Variants in COLGALT2 observed in about 807,000 individuals in gnomAD.
COLGALT2 encodes collagen beta(1-O)galactosyltransferase 2.
In COLGALT2, 49 loss-of-function variants were observed where a neutral mutation model predicts 73.4. The observed-to-expected ratio is 0.67, with a 90% CI of 0.53 to 0.85. The LOEUF (loss-of-function observed/expected upper bound fraction) is 0.85. Among genes scored for constraint, COLGALT2 ranks in the 40% least tolerant of loss-of-function variants. The probability of loss-of-function intolerance (pLI) is 0.00; values close to 1 mark genes in which losing one functional copy is unlikely to be tolerated. For synonymous variants in COLGALT2, 295 were observed against 307.6 expected (o/e 0.96, Z 0.43); for missense variants, 722 against 790.2 (o/e 0.91, Z 1.03).
At chr1:183,980,663 C>G (rs1189761219) in intron 1 of COLGALT2, among the ~76,000 whole-genome samples, 1 of 151,910 alleles carries the variant, frequency 6.6e-6, no homozygotes, top group Non-Finnish European at 1.5e-5. Flanking sequence ...GCTTGTTATC[C>G]AGAGTGCAGG....
At chr1:183,977,117 T>C (rs1172671397) in intron 2 of COLGALT2, among the ~76,000 whole-genome samples, 1 of 152,186 alleles carries the variant, frequency 6.6e-6, no homozygotes, top group Non-Finnish European at 1.5e-5. Context: ...CATTTGTATT[T>C]GAGGTAGATT....
At chr1:183,949,119 A>T (rs1670325602) in intron 8 of COLGALT2, among the ~76,000 whole-genome samples, 1 of 152,222 alleles carries the variant, frequency 6.6e-6, no homozygotes, top group Non-Finnish European at 1.5e-5. Flanking sequence ...ATGATTACGA[A>T]TCAGAAGACT....
chr1:184,029,269 C>T (rs372571225), intron 1 of COLGALT2, among the ~76,000 whole-genome samples: 12 of 152,218 alleles, frequency 7.9e-5, no homozygotes, highest in Admixed American at 2.6e-4. Flanking sequence ...CACAGCTTTC[C>T]TACCAGAGGA....
chr1:183,969,204 A>C, intron 5 of COLGALT2, 65 bp downstream of exon 5: 1 of 1,401,298 alleles, frequency 7.1e-7, no homozygotes, highest in Non-Finnish European at 9.7e-7. Context: ...AAAATGCACA[A>C]AACAAAGGAG....
At chr1:184,004,076 T>C (rs998145151) in intron 1 of COLGALT2, among the ~76,000 whole-genome samples, 3 of 152,224 alleles carry the variant, frequency 2.0e-5, no homozygotes, top group African/African-American at 7.2e-5. Flanking sequence ...AAAACGGCAT[T>C]ATTTTTTTAA....
rs375818438 is a variant in COLGALT2 at position 183,938,005 on chromosome 1, G to C, written c.*756C>G. ...TTATAAATAGAGCATCCTGACTCGA[G>C]TGGCCATAATAAAAAAGCCAAACAT... On this transcript the variant is annotated 3_prime_UTR_variant, in exon 12 of 12. Coordinates refer to ENST00000361927, the MANE Select transcript of COLGALT2 (RefSeq NM_015101.4). 1 of 985,300 alleles carries C rather than the reference G, an allele frequency of 1.0e-6. No individual in the cohort carries two copies. Among genetic ancestry groups the C allele is most frequent in the Non-Finnish European group, 1.2e-6 (1 of 829,960 alleles). The allele number at this position is 985,300 out of a possible 1,614,324, so 61.0% of individuals were successfully genotyped here.
Position 183,938,679 on chromosome 1 carries a change from A to G in COLGALT2, c.*82T>C. 1 of 1,540,360 alleles carries G rather than the reference A, an allele frequency of 6.5e-7. No homozygotes were observed. Among genetic ancestry groups the G allele is most frequent in the Non-Finnish European group, 8.7e-7 (1 of 1,144,394 alleles). Reference sequence around the variant, plus strand: ...GACCACTAAGAACAAAACAAAACAGAAAACTGGAGCAAACAGATGAATAGC... The same window carrying G: ...GACCACTAAGAACAAAACAAAACAGGAAACTGGAGCAAACAGATGAATAGC... On this transcript the variant is annotated 3_prime_UTR_variant, in exon 12 of 12. Coordinates refer to ENST00000361927, the MANE Select transcript of COLGALT2 (RefSeq NM_015101.4).
rs200145352 is a variant in COLGALT2, at chr1:184,032,147, G to GC, written c.263+4947dup. On this transcript the variant is annotated intron_variant, in intron 1 of 11. Coordinates refer to ENST00000361927, the MANE Select transcript of COLGALT2 (RefSeq NM_015101.4). ...TGGCTTAAGAAATCTGCCCACCTCG[G>GC]CCCCCCAAAGTGCTAGGATTACAGG... Among the ~76,000 whole-genome samples, 1,262 of 152,064 alleles carry GC rather than the reference G, an allele frequency of 8.3e-3. 15 individuals are homozygous for GC. Among genetic ancestry groups the GC allele is most frequent in the African/African-American group, 0.028 (1,176 of 41,450 alleles).
intron 1 of COLGALT2, among the ~76,000 whole-genome samples, chr1:184,007,635 A>G (rs912460705): frequency 5.3e-5 from 8 of 152,158 alleles, no homozygotes; most frequent in African/African-American, 1.9e-4. Context: ...TCCTCCTTAG[A>G]GAAGAGTTAG....
chr1:184,014,059 G>C (rs1411721398), intron 1 of COLGALT2, among the ~76,000 whole-genome samples: 1 of 152,208 alleles, frequency 6.6e-6, no homozygotes, highest in African/African-American at 2.4e-5. Context: ...ACATGAAAAT[G>C]TCAGGAGATC....
intron 7 of COLGALT2, 45 bp downstream of exon 7, chr1:183,954,717 C>T: frequency 7.8e-6 from 11 of 1,418,576 alleles, no homozygotes; most frequent in Non-Finnish European, 1.1e-5. Context: ...ACACACAAGC[C>T]TGCACACGCG....
At chr1:183,946,616 A>C (rs116500878) in intron 8 of COLGALT2, 98 of 152,376 alleles carry the variant, frequency 6.4e-4, no homozygotes, top group African/African-American at 2.3e-3. Flanking sequence ...AAAGAATAGA[A>C]AAAGATATAC....
intron 1 of COLGALT2, among the ~76,000 whole-genome samples, chr1:183,978,802 G>C (rs1003250121): frequency 3.9e-5 from 6 of 152,202 alleles, no homozygotes; most frequent in Non-Finnish European, 8.8e-5. Context: ...AACACCAAGA[G>C]AGTGTAAGCA....
At chr1:183,998,295 A>G (rs1671822692) in intron 1 of COLGALT2, among the ~76,000 whole-genome samples, 1 of 152,162 alleles carries the variant, frequency 6.6e-6, no homozygotes, top group Admixed American at 6.5e-5. Flanking sequence ...ATGGTCATTC[A>G]TGTGCTTCCT....
At chr1:183,973,094 C>T (rs895941382) in intron 4 of COLGALT2, among the ~76,000 whole-genome samples, 1 of 151,956 alleles carries the variant, frequency 6.6e-6, no homozygotes, top group Non-Finnish European at 1.5e-5. Flanking sequence ...ATGACGGTCA[C>T]GATAGTTAAA....
intron 4 of COLGALT2, among the ~76,000 whole-genome samples, chr1:183,971,926 G>A (rs1671048268): frequency 6.6e-6 from 1 of 152,178 alleles, no homozygotes. Flanking sequence ...CATTTAAGCT[G>A]TTTGCATGGT....
chr1:183,946,673 T>C (rs578253121), intron 8 of COLGALT2: 1 of 152,298 alleles, frequency 6.6e-6, no homozygotes, highest in Non-Finnish European at 1.5e-5. Context: ...ATGCTAATAT[T>C]GGGCAAAATA....
At chr1:183,966,748 T>A (rs1670884874) in intron 5 of COLGALT2, among the ~76,000 whole-genome samples, 1 of 152,208 alleles carries the variant, frequency 6.6e-6, no homozygotes, top group Non-Finnish European at 1.5e-5. Flanking sequence ...CTGGCCACAA[T>A]GGGAGGTGAA....
At chr1:183,967,608 T>C (rs1670914292) in intron 5 of COLGALT2, among the ~76,000 whole-genome samples, 1 of 152,246 alleles carries the variant, frequency 6.6e-6, no homozygotes, top group Non-Finnish European at 1.5e-5. Context: ...ATTTAGTTCA[T>C]TGCATCATAA....
Sources: allele counts gnomAD v4.1 joint callset (sites outside exome capture counted in the v4.1 genomes callset), GRCh38; gene constraint gnomAD v4.1.1; transcripts MANE v1.5; gene names NCBI Gene and HGNC (gene_info 2026-07-23, HGNC 2026-07-21).